UNC13B: variants seen among roughly 807,000 people sequenced by gnomAD.
The protein encoded by UNC13B is unc-13 homolog B.
UNC13B carries 144 observed loss-of-function variants against 211.0 expected under a neutral mutation model. That is an observed-to-expected ratio of 0.68 (90% CI 0.60 to 0.78). UNC13B has a LOEUF of 0.78. Among genes scored for constraint, UNC13B ranks in the 30% least tolerant of loss-of-function variants. The probability of loss-of-function intolerance (pLI) is 0.00; values close to 1 mark genes in which losing one functional copy is unlikely to be tolerated. For missense variants in UNC13B, 1,777 were observed against 2,002.0 expected (o/e 0.89, Z 2.14); for synonymous variants, 709 against 725.8 (o/e 0.98, Z 0.37).
intron 11 of UNC13B, among the ~76,000 whole-genome samples, chr9:35,338,718 C>A (rs1831808604): frequency 2.0e-5 from 3 of 152,282 alleles, no homozygotes; most frequent in Middle Eastern, 3.4e-3. Flanking sequence ...ATTGGCCGCA[C>A]CCATCCTTTG....
Position 35,396,822 on chromosome 9 carries a change from TCTC to T in UNC13B, c.11436-16_11436-14del, listed in dbSNP as rs762561583. ...CCCACCGCTAGTTCTAAGCCCCTGT[TCTC>T]CTGCTGTGGCTGCAGGTGGTTTGAG... On this transcript the variant is annotated splice_polypyrimidine_tract_variant and intron_variant, in intron 27 of 39. Transcript: ENST00000635942. 4 of 1,613,710 alleles carry T rather than the reference TCTC, an allele frequency of 2.5e-6. No homozygotes were observed. Among genetic ancestry groups the T allele is most frequent in the Admixed American group, 1.7e-5 (1 of 59,998 alleles).
At chr9:35,176,597 C>G (rs1029470461) in intron 1 of UNC13B, among the ~76,000 whole-genome samples, 1 of 152,072 alleles carries the variant, frequency 6.6e-6, no homozygotes, top group Non-Finnish European at 1.5e-5. Context: ...AACTGTTGTG[C>G]TAGGCACTTG....
chr9:35,352,169 C>T (rs1403829467), intron 11 of UNC13B: 2 of 1,232,158 alleles, frequency 1.6e-6, no homozygotes, highest in East Asian at 3.2e-5. Context: ...CGTGGACAGA[C>T]CCAGTGAGGA....
At chr9:35,322,874 G>A (rs958852382) in intron 11 of UNC13B, among the ~76,000 whole-genome samples, 6 of 151,664 alleles carry the variant, frequency 4.0e-5, no homozygotes, top group South Asian at 2.1e-4. Context: ...ACCAATTTCC[G>A]ATCCCTCCTT....
At chr9:35,247,148 T>C (rs570407049) in intron 6 of UNC13B, among the ~76,000 whole-genome samples, 2 of 152,204 alleles carry the variant, frequency 1.3e-5, no homozygotes, top group African/African-American at 4.8e-5. Flanking sequence ...GATTTGGCTC[T>C]CTGTTTGTCT....
At chr9:35,186,170 C>G (rs1822348750) in intron 1 of UNC13B, among the ~76,000 whole-genome samples, 5 of 151,996 alleles carry the variant, frequency 3.3e-5, no homozygotes, top group Admixed American at 3.3e-4. Flanking sequence ...CTTCATAGCA[C>G]CCTACTAGGT....
At chr9:35,221,894 A>G (rs1000743421) in intron 1 of UNC13B, among the ~76,000 whole-genome samples, 62 of 152,342 alleles carry the variant, frequency 4.1e-4, no homozygotes, top group Non-Finnish European at 2.2e-4. Flanking sequence ...ATTTTTCAGT[A>G]CCATTGTTAA....
intron 8 of UNC13B, among the ~76,000 whole-genome samples, chr9:35,297,584 C>T (rs1244839393): frequency 1.1e-4 from 9 of 79,730 alleles, no homozygotes; most frequent in Non-Finnish European, 2.0e-4. Context: ...GAGTCTCGCT[C>T]TTTCGCCCAG....
intron 1 of UNC13B, among the ~76,000 whole-genome samples, chr9:35,183,961 G>GAT (rs1822170752): frequency 6.9e-6 from 1 of 144,528 alleles, no homozygotes; most frequent in African/African-American, 2.6e-5. Flanking sequence ...CCACCCAGAC[G>GAT]GGGCGGCGGG....
intron 8 of UNC13B, among the ~76,000 whole-genome samples, chr9:35,299,109 G>A (rs1022140986): frequency 1.3e-5 from 2 of 152,144 alleles, no homozygotes; most frequent in African/African-American, 4.8e-5. Context: ...GTGGGTGCCT[G>A]TAGACCCAGC....
At chr9:35,366,230 G>A (rs12336687) in intron 11 of UNC13B, among the ~76,000 whole-genome samples, 12,373 of 152,162 alleles carry the variant, frequency 0.081, 1,702 homozygotes, top group African/African-American at 0.28. Context: ...TGAAGGATTT[G>A]CTTTTGTTTA....
In UNC13B at chr9:35,390,696, A is replaced by G. The variant is rs1240774550; in HGVS notation, c.11290A>G (p.Met3764Val). 3.7e-6 allele frequency: 6 copies of G among 1,614,078 alleles called. No homozygotes were observed. Among genetic ancestry groups the G allele is most frequent in the Non-Finnish European group, 5.1e-6 (6 of 1,180,000 alleles). Residue 3764 changes from methionine to valine, a missense_variant, in exon 26 of 40, where the codon ATG becomes GTG. Physicochemically the swap from Met to Val is conservative, Grantham distance 21 (BLOSUM62 1). Coordinates refer to ENST00000635942, the MANE Select transcript of UNC13B (RefSeq NM_001371189.2). Reference sequence around the variant, plus strand: ...GATGTGGCATTTGTTTGCCCAAGACATGAAATATGCATTGGAGGGTAAGGA... The same window carrying G: ...GATGTGGCATTTGTTTGCCCAAGACGTGAAATATGCATTGGAGGGTAAGGA... ...EVMWHLFAQD[M>V]KYALEEHEKD...
chr9:35,311,677 T>A (rs1830186293), intron 10 of UNC13B, among the ~76,000 whole-genome samples: 1 of 152,178 alleles, frequency 6.6e-6, no homozygotes. Flanking sequence ...TAACAGTGAT[T>A]TCTGTTGTAA....
chr9:35,200,300 G>T (rs932101397), intron 1 of UNC13B, among the ~76,000 whole-genome samples: 4 of 152,132 alleles, frequency 2.6e-5, no homozygotes, highest in Admixed American at 6.5e-5. Context: ...TTTGGCTTAG[G>T]ATTGTCTTGG....
At chr9:35,215,108 G>A (rs993236461) in intron 1 of UNC13B, among the ~76,000 whole-genome samples, 2 of 152,176 alleles carry the variant, frequency 1.3e-5, no homozygotes, top group Admixed American at 1.3e-4. Context: ...TTAAACATGA[G>A]TAAATGTAAA....
At chr9:35,375,462 T>C (rs1834339129) in intron 14 of UNC13B, among the ~76,000 whole-genome samples, 1 of 152,188 alleles carries the variant, frequency 6.6e-6, no homozygotes, top group African/African-American at 2.4e-5. Flanking sequence ...CCTAGTACCT[T>C]CTGTTTTCTT....
intron 6 of UNC13B, among the ~76,000 whole-genome samples, chr9:35,247,648 A>G (rs1489654925): frequency 6.6e-6 from 1 of 152,124 alleles, no homozygotes; most frequent in African/African-American, 2.4e-5. Flanking sequence ...TTATATGCTG[A>G]ATTAGATTTA....
rs80282466 is a variant in UNC13B, at chr9:35,212,701, T to C, written c.23-15314T>C. The stretch of plus-strand genomic sequence containing the variant: ...AGAAATACTGACCAAATATAACAAA[T>C]ATCCCATTAAGGATATAATTTAGCT... On this transcript the variant is annotated intron_variant, in intron 1 of 39. Coordinates refer to ENST00000635942, the MANE Select transcript of UNC13B (RefSeq NM_001371189.2). Among the ~76,000 whole-genome samples the C allele has an allele frequency of 8.6e-3, 1,307 of 152,294 alleles. 13 individuals carry two copies. The highest frequency in any genetic ancestry group is 0.03 in the African/African-American group (1,237 of 41,564).
chr9:35,377,630 T>G lies in UNC13B; in HGVS notation c.9998T>G (p.Met3333Arg). The G allele has an allele frequency of 6.2e-7, 1 of 1,614,128 alleles. No homozygotes were observed. The highest frequency in any genetic ancestry group is 1.1e-5 in the South Asian group (1 of 91,068). The change falls in exon 16 of 40, where the codon ATG becomes AGG. Residue 3333 changes from methionine to arginine, a missense_variant. Met to Arg is a moderately conservative substitution (Grantham distance 91). Transcript: ENST00000635942. Reference sequence around the variant, plus strand: ...AACAAAGCTGCCCATGTGCAGCAGATGAAAACAGTGAAGCAGAGTGTACTG... The same window carrying G: ...AACAAAGCTGCCCATGTGCAGCAGAGGAAAACAGTGAAGCAGAGTGTACTG... ...TVNKAAHVQQ[M>R]KTVKQSVLDG... is the part of the protein sequence containing the mutation.
Sources: allele counts gnomAD v4.1 joint callset (sites outside exome capture counted in the v4.1 genomes callset), GRCh38; gene constraint gnomAD v4.1.1; transcripts MANE v1.5; gene names NCBI Gene and HGNC (gene_info 2026-07-23, HGNC 2026-07-21).